ACSM6: variants seen among roughly 807,000 people sequenced by gnomAD.
ACSM6 encodes acyl-CoA synthetase medium chain family member 6.
ACSM6 carries 35 observed loss-of-function variants against 51.1 expected under a neutral mutation model. The observed-to-expected ratio is 0.69, with a 90% confidence interval of 0.52 to 0.91. The LOEUF (loss-of-function observed/expected upper bound fraction) is 0.91. ACSM6 is among the 40% of genes least tolerant of loss of function. The probability of loss-of-function intolerance (pLI) is 0.00; values close to 1 mark genes in which losing one functional copy is unlikely to be tolerated. For missense variants in ACSM6, 509 were observed against 584.1 expected (o/e 0.87, Z 1.32); for synonymous variants, 172 against 207.3 (o/e 0.83, Z 1.46).
intron 4 of ACSM6, among the ~76,000 whole-genome samples, chr10:95,208,082 A>G (rs1358731384): frequency 6.6e-6 from 1 of 152,024 alleles, no homozygotes; most frequent in African/African-American, 2.4e-5. Flanking sequence ...CTGAGGTTGC[A>G]GTGAGCCGAG....
At chr10:95,203,857 T>A (rs1589492136) in intron 3 of ACSM6, among the ~76,000 whole-genome samples, 2 of 106,858 alleles carry the variant, frequency 1.9e-5, no homozygotes, top group African/African-American at 7.4e-5. Flanking sequence ...ATGCTAGATT[T>A]AAAAAAAAAA....
At chr10:95,201,841 T>G (rs961956658) in intron 2 of ACSM6, 144 bp from the exon 3 acceptor site, 3 of 665,198 alleles carry the variant, frequency 4.5e-6, no homozygotes, top group Admixed American at 2.6e-5. Context: ...TCTGTGCCAG[T>G]TGAGAAACAG....
At chr10:95,194,254 A>G in exon 1 of ACSM6, 2 of 463,258 alleles carry the variant, frequency 4.3e-6, no homozygotes, top group Admixed American at 6.7e-5. Flanking sequence ...CAACAGCTCT[A>G]CCATCCTCCA....
chr10:95,201,119 G>A (rs1375553581), intron 2 of ACSM6, among the ~76,000 whole-genome samples: 3 of 152,170 alleles, frequency 2.0e-5, no homozygotes, highest in African/African-American at 7.2e-5. Context: ...AATCCTATCC[G>A]CTAGGAGGAG....
At chr10:95,209,699 A>G (rs12245722) in intron 4 of ACSM6, among the ~76,000 whole-genome samples, 47,062 of 151,812 alleles carry the variant, frequency 0.31, 7,993 homozygotes, top group Non-Finnish European at 0.39. Flanking sequence ...ATTAAATTAT[A>G]AAATAATTTT....
At chr10:95,214,935 C>T in exon 8 of ACSM6, 1 of 1,551,638 alleles carries the variant, frequency 6.4e-7, no homozygotes, top group Non-Finnish European at 8.7e-7. Flanking sequence ...AAACGCATCA[C>T]TAAGTTGGAC....
chr10:95,203,161 A>G (rs2034810977), intron 3 of ACSM6, among the ~76,000 whole-genome samples: 1 of 151,968 alleles, frequency 6.6e-6, no homozygotes, highest in Admixed American at 6.6e-5. Flanking sequence ...ATAGGAGCGC[A>G]AATCCTATTG....
intron 4 of ACSM6, among the ~76,000 whole-genome samples, chr10:95,210,054 G>C (rs1339335214): frequency 6.6e-6 from 1 of 152,032 alleles, no homozygotes; most frequent in Non-Finnish European, 1.5e-5. Flanking sequence ...TTGTTGTCCT[G>C]TCTTTGTTTT....
intron 3 of ACSM6, 26 bp downstream of exon 3, chr10:95,202,221 G>T (rs775034434): frequency 8.6e-5 from 132 of 1,533,814 alleles, no homozygotes; most frequent in Non-Finnish European, 1.0e-4. Context: ...CGGACCCCAG[G>T]GGTTGGAGGC....
At chr10:95,222,577 C>G (rs1204970722) in intron 9 of ACSM6, among the ~76,000 whole-genome samples, 1 of 150,334 alleles carries the variant, frequency 6.7e-6, no homozygotes, top group Non-Finnish European at 1.5e-5. Context: ...GAGCAGAGAT[C>G]ACACCACTGC....
At chr10:95,212,115 G>T in intron 6 of ACSM6, 81 bp downstream of exon 6, 1 of 1,522,670 alleles carries the variant, frequency 6.6e-7, no homozygotes, top group Non-Finnish European at 9.0e-7. Flanking sequence ...CTCATGCCCA[G>T]AATGGGGCAA....
At position 95,214,847 on chromosome 10, in the gene ACSM6, T is replaced by C; in HGVS notation, c.996-5T>C. On this transcript the variant is annotated splice_region_variant and splice_polypyrimidine_tract_variant and intron_variant, in intron 7 of 10. Coordinates refer to ENST00000341686, the Ensembl canonical transcript of ACSM6. ...GGCTAAGAACAACTTTTGATGCCTC[T>C]CCAGCTACAGATTCAAGAGTCTGAA... 1 of 1,551,312 alleles carries C rather than the reference T, an allele frequency of 6.4e-7. No homozygotes were observed. Among genetic ancestry groups the C allele is most frequent in the Non-Finnish European group, 8.7e-7 (1 of 1,146,818 alleles).
chr10:95,198,655 A>T (rs2034760149), intron 2 of ACSM6, among the ~76,000 whole-genome samples: 1 of 152,182 alleles, frequency 6.6e-6, no homozygotes, highest in Non-Finnish European at 1.5e-5. Flanking sequence ...TCTCAAAAAA[A>T]AAAAAAAAAT....
Position 95,202,204 on chromosome 10 carries a change from T to C in ACSM6, c.403+9T>C, listed in dbSNP as rs2034801549. The C allele has an allele frequency of 6.4e-7, 1 of 1,550,418 alleles. No homozygotes were observed. Among genetic ancestry groups the C allele is most frequent in the Non-Finnish European group, 8.7e-7 (1 of 1,146,100 alleles). ...GGCCTGTGTGCGCTTGGGTGAGGCATGGGAGACGGACCCCAGGGGTTGGAG... is the reference window on the plus strand; with the variant it reads ...GGCCTGTGTGCGCTTGGGTGAGGCACGGGAGACGGACCCCAGGGGTTGGAG... On this transcript the variant is annotated intron_variant, in intron 3 of 10. Coordinates refer to ENST00000341686, the Ensembl canonical transcript of ACSM6.
chr10:95,204,934 G>T (rs535468310), intron 3 of ACSM6, among the ~76,000 whole-genome samples: 4 of 152,244 alleles, frequency 2.6e-5, no homozygotes, highest in African/African-American at 9.6e-5. Flanking sequence ...AGGGACCAGG[G>T]TGCACTCCTC....
chr10:95,213,717 C>T (rs561879158), intron 7 of ACSM6, among the ~76,000 whole-genome samples: 1 of 152,294 alleles, frequency 6.6e-6, no homozygotes, highest in East Asian at 1.9e-4. Flanking sequence ...AGTAGAATTG[C>T]CAATCATCAT....
chr10:95,226,767 T>C (rs543112888), intron 10 of ACSM6, among the ~76,000 whole-genome samples: 6 of 152,312 alleles, frequency 3.9e-5, no homozygotes, highest in Non-Finnish European at 8.8e-5. Context: ...GTGTTCAATA[T>C]AGACAACTTT....
At chr10:95,221,376 C>A (rs561569634) in intron 9 of ACSM6, among the ~76,000 whole-genome samples, 1 of 152,226 alleles carries the variant, frequency 6.6e-6, no homozygotes, top group East Asian at 1.9e-4. Context: ...CACTTGAGGT[C>A]AAGAGTTCAA....
At chr10:95,198,940 T>C (rs189036532) in intron 2 of ACSM6, among the ~76,000 whole-genome samples, 1 of 152,308 alleles carries the variant, frequency 6.6e-6, no homozygotes, top group African/African-American at 2.4e-5. Context: ...AGGTAATTTA[T>C]AGAATCAATA....
Sources: allele counts gnomAD v4.1 joint callset (sites outside exome capture counted in the v4.1 genomes callset), GRCh38; gene constraint gnomAD v4.1.1; transcripts MANE v1.5; gene names NCBI Gene and HGNC (gene_info 2026-07-23, HGNC 2026-07-21).